The following IRAG1 variants were observed in gnomAD, a reference collection of about 807,000 sequenced individuals.
IRAG1 encodes IP3R-associated cGMP kinase substrate.
In IRAG1, 62 loss-of-function variants were observed where a neutral mutation model predicts 106.2. That is an observed-to-expected ratio of 0.58 (90% confidence interval 0.48 to 0.72). The LOEUF (loss-of-function observed/expected upper bound fraction) is 0.72. Among genes scored for constraint, IRAG1 ranks in the 30% least tolerant of loss-of-function variants. The probability of loss-of-function intolerance (pLI) is 0.00; values close to 1 mark genes in which losing one functional copy is unlikely to be tolerated. For synonymous variants in IRAG1, 462 were observed against 443.9 expected (o/e 1.04, Z -0.51); for missense variants, 1,064 against 1,140.7 (o/e 0.93, Z 0.97).
At chr11:10,593,868 G>T in intron 16 of IRAG1, 1 of 572,554 alleles carries the variant, frequency 1.7e-6, no homozygotes, top group East Asian at 2.9e-5. Flanking sequence ...ACAGTCTCTG[G>T]GTAACACCCT....
At position 10,576,184 on chromosome 11, in the gene IRAG1, A is replaced by T; in HGVS notation, c.*148T>A. 9.9e-7 allele frequency: 1 copy of T among 1,010,168 alleles called. No individual in the cohort carries two copies. The highest frequency in any genetic ancestry group is 1.4e-6 in the Non-Finnish European group (1 of 700,954). 62.6% of individuals were successfully genotyped at this position (1,010,168 alleles called of 1,614,324 possible). On this transcript the variant is annotated 3_prime_UTR_variant, in exon 21 of 21. Transcript: ENST00000423302. ...AAGTCACTGTGTATGAATAGCTCCC[A>T]CAGAAGTGCCGAGTGTTAAAAGAAC... is the stretch of plus-strand genomic sequence containing the variant.
In IRAG1 at chr11:10,672,107, G is replaced by T. The variant is rs118156995; in HGVS notation, c.68-19925C>A. Among the ~76,000 whole-genome samples, 76 of 152,322 alleles carry T rather than the reference G, an allele frequency of 5.0e-4. 1 individual carries two copies. The East Asian group carries it at 0.014, about 29-fold the overall frequency. Reference sequence around the variant, plus strand: ...CCAAGACAATTCGATGGGGAAAGAAGTCTTTTCAACAAATGGTTCTGGAAC... The same window carrying T: ...CCAAGACAATTCGATGGGGAAAGAATTCTTTTCAACAAATGGTTCTGGAAC... On this transcript the variant is annotated intron_variant, in intron 1 of 20. Transcript: ENST00000423302.
intron 8 of IRAG1, among the ~76,000 whole-genome samples, chr11:10,627,292 C>T (rs893213954): frequency 1.1e-4 from 17 of 152,062 alleles, no homozygotes; most frequent in African/African-American, 3.1e-4. Context: ...GTGGGCCCCT[C>T]GATGTGAGCA....
chr11:10,669,355 A>G (rs1054521754), intron 1 of IRAG1, among the ~76,000 whole-genome samples: 2 of 152,128 alleles, frequency 1.3e-5, no homozygotes, highest in African/African-American at 4.8e-5. Flanking sequence ...CAACTTCCAG[A>G]CTTGACTCCC....
At position 10,629,697 on chromosome 11, in the gene IRAG1, T is replaced by G; in HGVS notation, c.415A>C (p.Ile139Leu). The stretch of plus-strand genomic sequence containing the variant: ...AGCTGGTCATTCACCAGGTCAATGA[T>G]GTGCCCCGCGGGGTCTGCAGAAGGA... ...SLTSVDPAGH[I>L]IDLVNDQLPD... The change falls in exon 5 of 21, where the codon ATC becomes CTC. Residue 139 changes from isoleucine (I) to leucine (L), a missense_variant. By Grantham distance (5) the Ile-to-Leu change is conservative. Transcript: ENST00000423302. 3.1e-6 allele frequency: 5 copies of G among 1,613,654 alleles called. No individual in the cohort carries two copies. The highest frequency in any genetic ancestry group is 4.2e-6 in the Non-Finnish European group (5 of 1,179,740).
intron 15 of IRAG1, among the ~76,000 whole-genome samples, chr11:10,595,051 A>G (rs1000040027): frequency 1.3e-5 from 2 of 152,218 alleles, no homozygotes; most frequent in African/African-American, 4.8e-5. Context: ...CAGCCTCCCA[A>G]GTAGCTGGGA....
intron 13 of IRAG1, 35 bp downstream of exon 13, chr11:10,604,370 C>T (rs762562573): frequency 1.9e-6 from 3 of 1,613,192 alleles, no homozygotes; most frequent in Non-Finnish European, 2.5e-6. Context: ...ACAGTCTCTG[C>T]TCCAGGGATT....
chr11:10,638,520 T>G (rs11603178), intron 2 of IRAG1, among the ~76,000 whole-genome samples: 37,460 of 152,154 alleles, frequency 0.25, 5,030 homozygotes, highest in Middle Eastern at 0.35. Context: ...ACTGTGCTTA[T>G]AGCATGCGCG....
chr11:10,629,516 C>G, intron 5 of IRAG1, 22 bp downstream of exon 5: 1 of 1,607,260 alleles, frequency 6.2e-7, no homozygotes, highest in Non-Finnish European at 8.5e-7. Context: ...AGGGCAGCCA[C>G]CTGTACATCC....
At chr11:10,613,261 C>CAAAA (rs34065353) in intron 10 of IRAG1, among the ~76,000 whole-genome samples, 1 of 132,966 alleles carries the variant, frequency 7.5e-6, no homozygotes, top group African/African-American at 2.8e-5. Context: ...ATGCTTCATA[C>CAAAA]AAAAAAAAAA....
At chr11:10,633,941 C>T (rs539202580) in intron 3 of IRAG1, 27 bp downstream of exon 3, 1 of 1,377,238 alleles carries the variant, frequency 7.3e-7, no homozygotes, top group African/African-American at 1.4e-5. Flanking sequence ...TATTGTTTGT[C>T]ACAATGCAAG....
chr11:10,679,371 A>G (rs1860964265), intron 1 of IRAG1, among the ~76,000 whole-genome samples: 1 of 152,118 alleles, frequency 6.6e-6, no homozygotes, highest in Admixed American at 6.5e-5. Flanking sequence ...CCTTCCCCCC[A>G]GGCCCTGGCA....
At chr11:10,664,400 C>T (rs543024325) in intron 1 of IRAG1, among the ~76,000 whole-genome samples, 7 of 152,152 alleles carry the variant, frequency 4.6e-5, no homozygotes, top group Non-Finnish European at 1.0e-4. Flanking sequence ...AAGCATGCTA[C>T]AGAAAGCTAC....
chr11:10,579,428 G>A lies in IRAG1; in HGVS notation c.2495+1027C>T, dbSNP rs115964506. Among the ~76,000 whole-genome samples the A allele has an allele frequency of 4.6e-3, 700 of 152,236 alleles. 4 individuals carry two copies. Among genetic ancestry groups the A allele is most frequent in the African/African-American group, 0.016 (661 of 41,544 alleles). ...TGTCTGGAGCTGCCCTGGACCCCAA[G>A]ATATCCCAGGGGTCTAAAAATAGAT... is the stretch of plus-strand genomic sequence containing the variant. On this transcript the variant is annotated intron_variant, in intron 20 of 20. Transcript: ENST00000423302.
intron 9 of IRAG1, among the ~76,000 whole-genome samples, chr11:10,624,749 T>C (rs751365133): frequency 3.3e-5 from 5 of 152,050 alleles, no homozygotes; most frequent in Non-Finnish European, 7.4e-5. Context: ...TGGAGTCGGG[T>C]AGGGGCTGGG....
chr11:10,582,051 A>G lies in IRAG1; in HGVS notation c.2241-65T>C. On this transcript the variant is annotated intron_variant, in intron 18 of 20. Coordinates refer to ENST00000423302, the MANE Select transcript of IRAG1 (RefSeq NM_130385.4). ...AAGGTGGAGGCCTAAAAACAAAACC[A>G]TGTTTTTGGCCCGATTCCTGATTAG... 2.0e-6 allele frequency: 3 copies of G among 1,537,864 alleles called. No individual in the cohort carries two copies. In the East Asian group the frequency reaches 7.0e-5, roughly 36 times the overall value.
At chr11:10,653,054 C>T (rs1858648017) in intron 1 of IRAG1, among the ~76,000 whole-genome samples, 1 of 152,142 alleles carries the variant, frequency 6.6e-6, no homozygotes, top group Non-Finnish European at 1.5e-5. Flanking sequence ...CATCCACCTC[C>T]CACAGTGACT....
rs1189454190 is a variant in IRAG1, at chr11:10,627,970, C to T, written c.705+3G>A. 5 of 1,604,742 alleles carry T rather than the reference C, an allele frequency of 3.1e-6. No individual in the cohort carries two copies. The highest frequency in any genetic ancestry group is 1.7e-5 in the Admixed American group (1 of 59,602). ...CAGCACAGCAGGTGGGGGGTCCTGT[C>T]ACCTGTGGTGGTGCTCCAGGCAGAG... On this transcript the variant is annotated splice_donor_region_variant and intron_variant, in intron 7 of 20. Coordinates refer to ENST00000423302, the MANE Select transcript of IRAG1 (RefSeq NM_130385.4).
chr11:10,600,854 T>C, intron 15 of IRAG1, 64 bp downstream of exon 15: 1 of 1,596,306 alleles, frequency 6.3e-7, no homozygotes, highest in Non-Finnish European at 8.6e-7. Context: ...GCTCTAATCC[T>C]AGCCAAGAGC....
Sources: allele counts gnomAD v4.1 joint callset (sites outside exome capture counted in the v4.1 genomes callset), GRCh38; gene constraint gnomAD v4.1.1; transcripts MANE v1.5; gene names NCBI Gene and HGNC (gene_info 2026-07-23, HGNC 2026-07-21).